SPIDR: variants seen among roughly 807,000 people sequenced by gnomAD.
SPIDR encodes the protein DNA repair-scaffolding protein.
SPIDR carries 93 observed loss-of-function variants against 104.6 expected under a neutral mutation model. The ratio of observed to expected loss-of-function variants is 0.89; its 90% CI spans 0.75 to 1.06. The LOEUF (loss-of-function observed/expected upper bound fraction) is 1.06, where lower values mean the gene tolerates loss of function less well. Among genes scored for constraint, SPIDR ranks in the 50% least tolerant of loss-of-function variants. SPIDR has a pLI of 0.00. For missense variants in SPIDR, 1,154 were observed against 1,111.2 expected (o/e 1.04, Z -0.55); for synonymous variants, 431 against 416.9 (o/e 1.03, Z -0.41).
intron 8 of SPIDR, among the ~76,000 whole-genome samples, chr8:47,565,664 CAATTA>C (rs1266207361): frequency 4.6e-5 from 7 of 151,262 alleles, no homozygotes; most frequent in Non-Finnish European, 1.0e-4. Flanking sequence ...TTTATTGTTG[CAATTA>C]AATTAGCCAT....
intron 7 of SPIDR, among the ~76,000 whole-genome samples, chr8:47,426,638 G>A (rs1163377607): frequency 6.6e-6 from 1 of 152,134 alleles, no homozygotes; most frequent in Admixed American, 6.5e-5. Flanking sequence ...TGCCATAATA[G>A]AACACCACAG....
chr8:47,467,090 A>G (rs568356482), intron 8 of SPIDR, among the ~76,000 whole-genome samples: 7 of 152,216 alleles, frequency 4.6e-5, no homozygotes, highest in South Asian at 2.1e-4. Context: ...GAACATCTCT[A>G]TGCAAACAAA....
chr8:47,417,567 A>G lies in SPIDR; in HGVS notation c.877+9606A>G, dbSNP rs146641730. Among the ~76,000 whole-genome samples, 73 of 152,196 alleles carry G rather than the reference A, an allele frequency of 4.8e-4. 1 individual carries two copies. The East Asian group carries it at 5.6e-3, about 12-fold the overall frequency. ...GACTGCAAAAATTGTCTCCCATTCT[A>G]TAGGTTGCCTGTTCACTCTGATGGT... On this transcript the variant is annotated intron_variant, in intron 7 of 19. Transcript: ENST00000297423.
intron 8 of SPIDR, among the ~76,000 whole-genome samples, chr8:47,450,547 G>A (rs555353375): frequency 2.0e-5 from 3 of 152,236 alleles, no homozygotes; most frequent in East Asian, 1.9e-4. Context: ...TTTGGAAAAG[G>A]CTCCTCAAAT....
At chr8:47,435,374 CAAA>C (rs1373706135) in intron 7 of SPIDR, among the ~76,000 whole-genome samples, 3 of 151,660 alleles carry the variant, frequency 2.0e-5, no homozygotes, top group Admixed American at 1.3e-4. Context: ...TTGTTTAAAA[CAAA>C]AGACTTTTCA....
intron 5 of SPIDR, among the ~76,000 whole-genome samples, chr8:47,368,540 T>A (rs148729561): frequency 7.2e-4 from 110 of 152,234 alleles, no homozygotes; most frequent in Non-Finnish European, 1.5e-3. Flanking sequence ...GTGGTCTTGA[T>A]GAGACAAGAA....
At chr8:47,499,350 C>CA in intron 8 of SPIDR, among the ~76,000 whole-genome samples, 1 of 152,140 alleles carries the variant, frequency 6.6e-6, no homozygotes, top group East Asian at 1.9e-4. Flanking sequence ...AGTGTTGGCT[C>CA]AGACAGTTTC....
At position 47,466,908 on chromosome 8, in the gene SPIDR, T is replaced by TAC. The variant is rs1410248551; in HGVS notation, c.1097+26367_1097+26368insCA. Among the ~76,000 whole-genome samples the TAC allele has an allele frequency of 4.6e-3, 566 of 123,176 alleles. 14 individuals are homozygous for TAC. Among genetic ancestry groups the TAC allele is most frequent in the Non-Finnish European group, 7.6e-3 (465 of 60,940 alleles). 80.8% of individuals were successfully genotyped at this position (123,176 alleles called of 152,430 possible). On this transcript the variant is annotated intron_variant, in intron 8 of 19. Transcript: ENST00000297423. ...TTTTGAAAAAAAAAAAAAATATATA[T>TAC]ATATATAGATAGATAGATAGATAGA...
intron 5 of SPIDR, among the ~76,000 whole-genome samples, chr8:47,331,965 C>CTTTTTTTTTTTTTTTTTTTTTTTCT: frequency 3.1e-5 from 1 of 32,702 alleles, no homozygotes; most frequent in Non-Finnish European, 6.6e-5. Flanking sequence ...TTTTTTTAAA[C>CTTTTTTTTTTTTTTTTTTTTTTTCT]TTTTTTTTTT....
At chr8:47,295,050 T>C (rs1205822778) in intron 5 of SPIDR, among the ~76,000 whole-genome samples, 1 of 152,232 alleles carries the variant, frequency 6.6e-6, no homozygotes, top group Non-Finnish European at 1.5e-5. Context: ...TCTAGTTTAA[T>C]AACTTTTTAA....
intron 5 of SPIDR, among the ~76,000 whole-genome samples, chr8:47,392,571 G>T (rs2060729636): frequency 6.6e-6 from 1 of 152,156 alleles, no homozygotes; most frequent in African/African-American, 2.4e-5. Context: ...TAAGCCAAAG[G>T]TACCTAAAAT....
In SPIDR at chr8:47,620,912, C is replaced by G. The variant is rs925951401; in HGVS notation, c.1544+21716C>G. Among the ~76,000 whole-genome samples the G allele has an allele frequency of 1.3e-5, 2 of 151,752 alleles. 1 individual carries two copies. On this transcript the variant is annotated intron_variant, in intron 10 of 19. Coordinates refer to ENST00000297423, the MANE Select transcript of SPIDR (RefSeq NM_001080394.4). ...TGATTACAGGCATTAGCTAGCATGC[C>G]TGGCCCATTTAAACCATTTTAAAGG... is the stretch of plus-strand genomic sequence containing the variant.
chr8:47,702,136 C>T (rs72646383), intron 14 of SPIDR, 121 bp downstream of exon 14: 60,936 of 1,023,386 alleles, frequency 0.06, 3,516 homozygotes, highest in Admixed American at 0.22. Flanking sequence ...CACACACACA[C>T]GGTGTTAGAG....
At chr8:47,479,580 G>C (rs1344579225) in intron 8 of SPIDR, among the ~76,000 whole-genome samples, 1 of 152,176 alleles carries the variant, frequency 6.6e-6, no homozygotes, top group African/African-American at 2.4e-5. Context: ...CAGTAGGGGG[G>C]AATGCAGGGA....
In SPIDR at chr8:47,712,763, C is replaced by G. The variant is rs369267290; in HGVS notation, c.2079C>G (p.Thr693=). The part of the protein sequence containing the change: ...KEERDPRLPK[T]LLVYVAPLCV... ...AGAGAGACCCCAGGCTCCCCAAAAC[C>G]CTGCTGGTCTATGTGGCCCCCTTGT... The change falls in exon 15 of 20, where the codon ACC becomes ACG. Residue 693 remains threonine (T), a synonymous_variant. Transcript: ENST00000297423. The G allele has an allele frequency of 1.7e-5, 28 of 1,614,142 alleles. No individual in the cohort carries two copies. The highest frequency in any genetic ancestry group is 2.2e-5 in the Non-Finnish European group (26 of 1,180,034).
At chr8:47,426,078 A>G (rs1159654039) in intron 7 of SPIDR, among the ~76,000 whole-genome samples, 1 of 151,024 alleles carries the variant, frequency 6.6e-6, no homozygotes, top group East Asian at 1.9e-4. Flanking sequence ...CCCTGCCTCT[A>G]CTACGATACA....
intron 7 of SPIDR, among the ~76,000 whole-genome samples, chr8:47,435,857 A>T (rs1483427000): frequency 6.6e-6 from 1 of 152,210 alleles, no homozygotes; most frequent in Non-Finnish European, 1.5e-5. Context: ...ACTGGCATTT[A>T]TCTGAGAGAC....
At chr8:47,634,481 A>T (rs941125388) in intron 10 of SPIDR, among the ~76,000 whole-genome samples, 2 of 152,318 alleles carry the variant, frequency 1.3e-5, no homozygotes, top group Non-Finnish European at 2.9e-5. Flanking sequence ...AAATGAAAAA[A>T]GAACTTTTCC....
chr8:47,566,099 C>T, intron 8 of SPIDR, among the ~76,000 whole-genome samples: 1 of 143,780 alleles, frequency 7.0e-6, no homozygotes. Context: ...CTCCGTCTCC[C>T]AGGTTCAAGC....
Sources: gnomAD v4.1 joint callset for allele counts (sites outside exome capture counted in the v4.1 genomes callset) on GRCh38, gnomAD v4.1.1 for gene constraint, MANE v1.5 for transcripts, NCBI Gene and HGNC (gene_info 2026-07-23, HGNC 2026-07-21) for gene names.